The following MDGA2 variants were observed in gnomAD, a reference collection of about 807,000 sequenced individuals.
MDGA2 encodes MAM domain containing glycosylphosphatidylinositol anchor 2.
Under a neutral mutation model 117.8 loss-of-function variants are expected in MDGA2, and 40 were observed. The observed-to-expected ratio is 0.34, with a 90% CI of 0.26 to 0.44. The LOEUF (loss-of-function observed/expected upper bound fraction) is 0.44, where lower values mean the gene tolerates loss of function less well. MDGA2 is among the 20% of genes least tolerant of loss of function. The pLI is 1.00. For missense variants in MDGA2, 1,123 were observed against 1,250.6 expected, an observed-to-expected ratio of 0.90 and a Z score of 1.54; for synonymous variants, 452 against 439.0, an observed-to-expected ratio of 1.03 and a Z score of -0.37.
At chr14:47,668,929 C>T (rs938495766) in intron 1 of MDGA2, among the ~76,000 whole-genome samples, 15 of 152,108 alleles carry the variant, frequency 9.9e-5, no homozygotes, top group African/African-American at 3.6e-4. Flanking sequence ...TTGAGCCCAA[C>T]CCTTGCAAGA....
At chr14:46,951,978 A>T (rs1402852307) in intron 9 of MDGA2, among the ~76,000 whole-genome samples, 1 of 151,948 alleles carries the variant, frequency 6.6e-6, no homozygotes, top group East Asian at 1.9e-4. Flanking sequence ...CATATCATCT[A>T]TCTTTTGAAA....
chr14:47,005,096 T>C (rs1335080813), intron 8 of MDGA2, among the ~76,000 whole-genome samples: 1 of 151,652 alleles, frequency 6.6e-6, no homozygotes, highest in Non-Finnish European at 1.5e-5. Flanking sequence ...TTTATGTTTT[T>C]TCCTTGTCTT....
chr14:47,474,664 T>C lies in MDGA2; in HGVS notation c.281-173114A>G, dbSNP rs916229981. ...CATGGACCAATGGAACAGAATAGAG[T>C]ACTCAGAAATAAGACCACATACCTA... On this transcript the variant is annotated intron_variant, in intron 1 of 16. Transcript: ENST00000399232. Among the ~76,000 whole-genome samples, 55 of 151,510 alleles carry C rather than the reference T, an allele frequency of 3.6e-4. 1 individual carries two copies. The highest frequency in any genetic ancestry group is 6.6e-5 in the Admixed American group (1 of 15,194).
At chr14:47,333,153 T>C (rs1890341466) in intron 1 of MDGA2, among the ~76,000 whole-genome samples, 1 of 151,936 alleles carries the variant, frequency 6.6e-6, no homozygotes, top group African/African-American at 2.4e-5. Flanking sequence ...TTTGCATATA[T>C]AACCACTAGG....
At chr14:46,931,523 T>C (rs1028246905) in intron 9 of MDGA2, among the ~76,000 whole-genome samples, 5 of 107,862 alleles carry the variant, frequency 4.6e-5, no homozygotes, top group African/African-American at 1.7e-4. Context: ...AGTTTATTTT[T>C]GCTTTTTTTT....
intron 1 of MDGA2, among the ~76,000 whole-genome samples, chr14:47,610,960 T>C (rs1435272813): frequency 1.3e-5 from 2 of 152,064 alleles, no homozygotes; most frequent in Admixed American, 6.6e-5. Context: ...TTTCAAACTA[T>C]ACTATAAGGC....
In MDGA2 at chr14:46,937,554, T is replaced by C. The variant is rs2899992; in HGVS notation, c.2090-17394A>G. On this transcript the variant is annotated intron_variant, in intron 9 of 16. Transcript: ENST00000399232. The stretch of plus-strand genomic sequence containing the variant: ...AAAGCTGAAGGCGTTATACTACCAA[T>C]TTCAAAATATACTACAAAGCTATAA... Among the ~76,000 whole-genome samples the C allele has an allele frequency of 7.4e-3, 1,133 of 152,210 alleles. 14 individuals carry two copies. The highest frequency in any genetic ancestry group is 0.026 in the African/African-American group (1,067 of 41,540).
intron 1 of MDGA2, among the ~76,000 whole-genome samples, chr14:47,564,137 G>A (rs1895872294): frequency 6.6e-6 from 1 of 152,166 alleles, no homozygotes; most frequent in Non-Finnish European, 1.5e-5. Flanking sequence ...TAGCCTGATG[G>A]GGTTCCCTTT....
chr14:47,132,793 A>T (rs1882267986), intron 4 of MDGA2, among the ~76,000 whole-genome samples: 1 of 151,890 alleles, frequency 6.6e-6, no homozygotes, highest in Non-Finnish European at 1.5e-5. Context: ...AAAATTCAAA[A>T]TGTTTATTTT....
chr14:47,123,854 A>T (rs1210947655), intron 5 of MDGA2, among the ~76,000 whole-genome samples: 1 of 152,062 alleles, frequency 6.6e-6, no homozygotes, highest in Non-Finnish European at 1.5e-5. Flanking sequence ...TGAAAACAAA[A>T]ATGTTTTCTT....
At chr14:47,350,441 T>C (rs1182769532) in intron 1 of MDGA2, among the ~76,000 whole-genome samples, 1 of 152,122 alleles carries the variant, frequency 6.6e-6, no homozygotes, top group Non-Finnish European at 1.5e-5. Flanking sequence ...AGCCAAAACA[T>C]TGGGGGCATA....
intron 8 of MDGA2, among the ~76,000 whole-genome samples, chr14:47,025,445 T>C (rs1022730607): frequency 5.9e-5 from 9 of 152,242 alleles, no homozygotes; most frequent in African/African-American, 2.2e-4. Flanking sequence ...AACAGAGATT[T>C]TGGCTCCTGT....
chr14:47,154,969 C>G (rs1883308869), intron 3 of MDGA2, among the ~76,000 whole-genome samples: 1 of 152,180 alleles, frequency 6.6e-6, no homozygotes, highest in Non-Finnish European at 1.5e-5. Flanking sequence ...GACCAATCAG[C>G]AAGCACTTCC....
intron 1 of MDGA2, among the ~76,000 whole-genome samples, chr14:47,404,659 T>C (rs796471259): frequency 6.6e-6 from 1 of 152,132 alleles, no homozygotes; most frequent in African/African-American, 2.4e-5. Flanking sequence ...CACATATTGC[T>C]AAGTTTTTAT....
chr14:47,635,000 G>A (rs72673208), intron 1 of MDGA2, among the ~76,000 whole-genome samples: 3,878 of 151,986 alleles, frequency 0.026, 101 homozygotes, highest in Non-Finnish European at 0.032. Flanking sequence ...GCTTCAAATT[G>A]TTCATCTGAT....
intron 9 of MDGA2, among the ~76,000 whole-genome samples, chr14:46,951,010 A>C (rs549172305): frequency 3.3e-5 from 5 of 151,934 alleles, no homozygotes; most frequent in African/African-American, 4.8e-5. Flanking sequence ...GGTGATATTA[A>C]AGTCCTCAGT....
intron 6 of MDGA2, among the ~76,000 whole-genome samples, chr14:47,076,438 GC>G (rs1483810709): frequency 1.3e-5 from 2 of 151,880 alleles, no homozygotes; most frequent in African/African-American, 4.8e-5. Flanking sequence ...GCTCAGTTAG[GC>G]CAAATGAAGA....
At chr14:47,368,308 TA>T (rs1566757138) in intron 1 of MDGA2, among the ~76,000 whole-genome samples, 1 of 151,692 alleles carries the variant, frequency 6.6e-6, no homozygotes, top group African/African-American at 2.4e-5. Context: ...TAATAAAAAT[TA>T]AAAAAAAGAA....
chr14:47,221,851 A>T (rs181488312), intron 2 of MDGA2, among the ~76,000 whole-genome samples: 42 of 151,974 alleles, frequency 2.8e-4, no homozygotes, highest in African/African-American at 9.6e-4. Flanking sequence ...ATATGTGTGT[A>T]TATATATTTG....
Sources: gnomAD v4.1 joint callset for allele counts (sites outside exome capture counted in the v4.1 genomes callset) on GRCh38, gnomAD v4.1.1 for gene constraint, MANE v1.5 for transcripts, NCBI Gene and HGNC (gene_info 2026-07-23, HGNC 2026-07-21) for gene names.